The following SGPP1 variants were observed in gnomAD, a reference collection of about 807,000 sequenced individuals.
SGPP1 encodes the protein hSPP1.
Under a neutral mutation model 33.0 loss-of-function variants are expected in SGPP1, and 21 were observed. The ratio of observed to expected loss-of-function variants is 0.64; its 90% CI spans 0.45 to 0.92. The LOEUF is 0.92. SGPP1 is among the 40% of genes least tolerant of loss of function. The pLI is 0.00. For missense variants in SGPP1, 543 were observed against 589.4 expected, an observed-to-expected ratio of 0.92 and a Z score of 0.81; for synonymous variants, 239 against 241.2, an observed-to-expected ratio of 0.99 and a Z score of 0.08.
chr14:63,706,329 A>G (rs951297586), intron 1 of SGPP1, among the ~76,000 whole-genome samples: 2 of 152,164 alleles, frequency 1.3e-5, no homozygotes. Context: ...TTGGGGTGAT[A>G]AAAGTGTTTT....
chr14:63,688,394 C>T (rs1885027766), intron 2 of SGPP1, among the ~76,000 whole-genome samples: 1 of 141,078 alleles, frequency 7.1e-6, no homozygotes, highest in South Asian at 2.2e-4. Flanking sequence ...ATGTGAGAAA[C>T]AGCAAGAAGA....
rs1320497755 is a variant in SGPP1, at chr14:63,686,357, A to G, written c.1074T>C (p.Thr358=). The G allele has an allele frequency of 1.2e-6, 2 of 1,614,142 alleles. No individual in the cohort carries two copies. Among genetic ancestry groups the G allele is most frequent in the Admixed American group, 1.7e-5 (1 of 60,020 alleles). ...ATATGGCTTTTCCAAACAGAGTCAC[A>G]GTAATGGGGGGCCCAGCTAAAGGTA... The part of the protein sequence containing the change: ...DTLPLAGPPI[T]VTLFGKAILR... The change falls in exon 3 of 3, where the codon ACT becomes ACC. Residue 358 remains threonine, a synonymous_variant. Transcript: ENST00000247225.
chr14:63,724,981 G>A (rs746503683), intron 1 of SGPP1, among the ~76,000 whole-genome samples: 4 of 150,110 alleles, frequency 2.7e-5, no homozygotes, highest in Admixed American at 1.3e-4. Flanking sequence ...GTGAGACCCC[G>A]ACTCTTAGGG....
intron 1 of SGPP1, among the ~76,000 whole-genome samples, chr14:63,706,777 TAAG>T (rs1355300851): frequency 2.0e-5 from 3 of 152,066 alleles, no homozygotes; most frequent in Admixed American, 6.6e-5. Flanking sequence ...TCAGTAAACT[TAAG>T]AAACAGAATC....
chr14:63,719,351 A>G (rs1885720716), intron 1 of SGPP1, among the ~76,000 whole-genome samples: 1 of 151,978 alleles, frequency 6.6e-6, no homozygotes, highest in Non-Finnish European at 1.5e-5. Flanking sequence ...ATTTTGAGGA[A>G]TATCAATAAA....
At chr14:63,722,669 C>T (rs1885797634) in intron 1 of SGPP1, among the ~76,000 whole-genome samples, 1 of 151,908 alleles carries the variant, frequency 6.6e-6, no homozygotes, top group African/African-American at 2.4e-5. Flanking sequence ...AAAGTAAGTG[C>T]TACAGCTAAT....
chr14:63,703,798 A>C (rs1885349507), intron 1 of SGPP1, among the ~76,000 whole-genome samples: 1 of 146,246 alleles, frequency 6.8e-6, no homozygotes, highest in South Asian at 2.1e-4. Flanking sequence ...ATCCCTATTT[A>C]AGTTTTTTTT....
intron 1 of SGPP1, among the ~76,000 whole-genome samples, chr14:63,709,394 T>C (rs1259837938): frequency 6.6e-6 from 1 of 151,218 alleles, no homozygotes; most frequent in Non-Finnish European, 1.5e-5. Flanking sequence ...AAAAAAACCA[T>C]TAATTCTATC....
At chr14:63,716,233 A>G (rs894275996) in intron 1 of SGPP1, among the ~76,000 whole-genome samples, 2 of 152,090 alleles carry the variant, frequency 1.3e-5, no homozygotes, top group African/African-American at 4.8e-5. Flanking sequence ...TGGGCAAGGT[A>G]CTGTAATCCC....
At chr14:63,709,318 G>C (rs1173991694) in intron 1 of SGPP1, among the ~76,000 whole-genome samples, 1 of 150,826 alleles carries the variant, frequency 6.6e-6, no homozygotes, top group Non-Finnish European at 1.5e-5. Flanking sequence ...AGGTTGCAGT[G>C]AGCTGAAACT....
chr14:63,707,319 T>A (rs1566822003), intron 1 of SGPP1, among the ~76,000 whole-genome samples: 1 of 152,032 alleles, frequency 6.6e-6, no homozygotes, highest in Non-Finnish European at 1.5e-5. Context: ...TAATCTTACG[T>A]TAAAAAAACA....
At chr14:63,690,265 A>G (rs1885064611) in intron 2 of SGPP1, among the ~76,000 whole-genome samples, 1 of 152,144 alleles carries the variant, frequency 6.6e-6, no homozygotes, top group Admixed American at 6.5e-5. Flanking sequence ...CTGGTTTCCA[A>G]CTTCTGAGCT....
chr14:63,727,170 G>A (rs529320122), intron 1 of SGPP1, 91 bp downstream of exon 1: 10 of 1,469,138 alleles, frequency 6.8e-6, no homozygotes, highest in South Asian at 1.4e-5. Flanking sequence ...CTTTGGAGGG[G>A]AACGGTCGAA....
chr14:63,712,917 CAAAA>C (rs56797705), intron 1 of SGPP1, among the ~76,000 whole-genome samples: 2 of 63,780 alleles, frequency 3.1e-5, no homozygotes, highest in Non-Finnish European at 7.1e-5. Context: ...AACTCTGTCT[CAAAA>C]AAAAAAAAAA....
chr14:63,698,761 CAAG>C (rs1337100242), intron 1 of SGPP1, 103 bp from the exon 2 acceptor site: 1 of 580,836 alleles, frequency 1.7e-6, no homozygotes, highest in Admixed American at 4.2e-5. Flanking sequence ...TCCACTAAAA[CAAG>C]AAATTTGTTT....
At chr14:63,699,075 A>G (rs1450258696) in intron 1 of SGPP1, among the ~76,000 whole-genome samples, 2 of 152,192 alleles carry the variant, frequency 1.3e-5, no homozygotes, top group Non-Finnish European at 2.9e-5. Context: ...GATTGGCATT[A>G]TCTCCCTCTC....
chr14:63,688,315 CAAAAAAAAA>C (rs71120275), intron 2 of SGPP1, among the ~76,000 whole-genome samples: 5 of 31,414 alleles, frequency 1.6e-4, no homozygotes, highest in Admixed American at 3.9e-4. Context: ...GACTCTGTCT[CAAAAAAAAA>C]AAAAAAAAAA....
chr14:63,686,700 AT>A (rs1884987519), intron 2 of SGPP1, 44 bp from the exon 3 acceptor site: 1 of 1,321,362 alleles, frequency 7.6e-7, no homozygotes, highest in African/African-American at 1.5e-5. Context: ...AATACTGAAT[AT>A]TTTTGGCATT....
intron 1 of SGPP1, among the ~76,000 whole-genome samples, chr14:63,718,164 C>T (rs1304297891): frequency 6.6e-6 from 1 of 151,640 alleles, no homozygotes; most frequent in African/African-American, 2.4e-5. Flanking sequence ...AGGAGAACTG[C>T]TTGAACCCAG....
Sources: gnomAD v4.1 joint callset for allele counts (sites outside exome capture counted in the v4.1 genomes callset) on GRCh38, gnomAD v4.1.1 for gene constraint, MANE v1.5 for transcripts, NCBI Gene and HGNC (gene_info 2026-07-23, HGNC 2026-07-21) for gene names.